The following STIMATE variants were observed in gnomAD, a reference collection of about 807,000 sequenced individuals.
STIMATE encodes the protein STIM activating enhancer.
In STIMATE, 15 loss-of-function variants were observed where a neutral mutation model predicts 36.7. The ratio of observed to expected loss-of-function variants is 0.41; its 90% CI spans 0.27 to 0.63. The LOEUF is 0.63. Ranked by LOEUF, STIMATE falls within the 20% of genes least tolerant of loss-of-function variation. The probability of loss-of-function intolerance (pLI) is 0.32; values close to 1 mark genes in which losing one functional copy is unlikely to be tolerated. For missense variants in STIMATE, 305 were observed against 397.3 expected, an observed-to-expected ratio of 0.77 and a Z score of 1.98; for synonymous variants, 163 against 162.3, an observed-to-expected ratio of 1.00 and a Z score of -0.03.
chr3:52,849,789 T>C lies in STIMATE; in HGVS notation c.427+3A>G. 6.2e-7 allele frequency: 1 copy of C among 1,612,186 alleles called. No individual in the cohort carries two copies. Among genetic ancestry groups the C allele is most frequent in the East Asian group, 2.2e-5 (1 of 44,856 alleles). On this transcript the variant is annotated splice_donor_region_variant and intron_variant, in intron 4 of 7. Transcript: ENST00000355083. The stretch of plus-strand genomic sequence containing the variant: ...GCCCTGTCCGGCATCCACAGCATAT[T>C]ACCATATTCGCCGAAGCGCAGGGAC...
intron 1 of STIMATE, among the ~76,000 whole-genome samples, chr3:52,874,535 C>T (rs889047948): frequency 6.6e-6 from 1 of 152,168 alleles, no homozygotes; most frequent in Non-Finnish European, 1.5e-5. Flanking sequence ...GTTTTAGTTG[C>T]TTACAGTGAG....
chr3:52,840,639 T>C, intron 7 of STIMATE, 29 bp from the exon 8 acceptor site: 1 of 1,601,952 alleles, frequency 6.2e-7, no homozygotes, highest in Non-Finnish European at 8.5e-7. Flanking sequence ...AGGGCCTGAG[T>C]CACCCCCAGC....
intron 1 of STIMATE, among the ~76,000 whole-genome samples, chr3:52,891,908 ATTCT>A (rs1372185954): frequency 6.6e-6 from 1 of 152,176 alleles, no homozygotes; most frequent in East Asian, 1.9e-4. Flanking sequence ...CCTCAAACAC[ATTCT>A]TTCTCATCTC....
At chr3:52,843,690 A>G (rs759930022) in intron 6 of STIMATE, 31 bp downstream of exon 6, 5 of 1,614,072 alleles carry the variant, frequency 3.1e-6, no homozygotes, top group African/African-American at 1.3e-5. Flanking sequence ...ACAGGGAGCA[A>G]ATCGGGATAA....
At chr3:52,847,467 C>G (rs950758509) in intron 4 of STIMATE, 9 of 1,289,278 alleles carry the variant, frequency 7.0e-6, no homozygotes, top group Non-Finnish European at 9.1e-6. Flanking sequence ...CCATGCGTCA[C>G]CTGGATCTGG....
intron 4 of STIMATE, among the ~76,000 whole-genome samples, chr3:52,846,773 T>C (rs189445452): frequency 5.9e-4 from 90 of 152,354 alleles, no homozygotes; most frequent in Admixed American, 1.5e-3. Context: ...GCAGCCACCG[T>C]TGGGAGAAGC....
intron 1 of STIMATE, among the ~76,000 whole-genome samples, chr3:52,894,720 C>T (rs2106740807): frequency 6.6e-6 from 1 of 152,282 alleles, no homozygotes; most frequent in South Asian, 2.1e-4. Context: ...TGGGTTCATT[C>T]TACAGTCAGA....
chr3:52,866,314 G>A (rs568664623), intron 1 of STIMATE, among the ~76,000 whole-genome samples: 8 of 152,376 alleles, frequency 5.3e-5, no homozygotes, highest in South Asian at 2.1e-4. Flanking sequence ...CGGCTGCGGC[G>A]TGCACCCATC....
chr3:52,869,096 T>C (rs1434521342), intron 1 of STIMATE, among the ~76,000 whole-genome samples: 1 of 152,040 alleles, frequency 6.6e-6, no homozygotes, highest in African/African-American at 2.4e-5. Flanking sequence ...TTGAGGGGAA[T>C]ACAAAACTGA....
rs1024097957 is a variant in STIMATE, at chr3:52,886,816, A to G, written c.160+10475T>C. Among the ~76,000 whole-genome samples the G allele has an allele frequency of 2.6e-5, 4 of 152,378 alleles. No homozygotes were observed. The East Asian group carries it at 7.7e-4, about 29-fold the overall frequency. Reference sequence around the variant, plus strand: ...TTCACCAACACTAGAATCAACTGACACCAGGCACCTCAGGTTATGATGCAC... The same window carrying G: ...TTCACCAACACTAGAATCAACTGACGCCAGGCACCTCAGGTTATGATGCAC... On this transcript the variant is annotated intron_variant, in intron 1 of 7. Transcript: ENST00000355083.
intron 1 of STIMATE, among the ~76,000 whole-genome samples, chr3:52,879,337 T>C (rs1297538170): frequency 6.6e-6 from 1 of 152,110 alleles, no homozygotes; most frequent in East Asian, 1.9e-4. Flanking sequence ...CTTGGGACCT[T>C]AACAAATCAT....
chr3:52,859,531 ATTTTT>A (rs563622429), intron 1 of STIMATE, among the ~76,000 whole-genome samples: 58 of 18,824 alleles, frequency 3.1e-3, no homozygotes, highest in African/African-American at 6.5e-3. Flanking sequence ...AAAAAAAAAA[ATTTTT>A]TTTTTTTTTT....
chr3:52,870,846 G>A (rs539827649), intron 1 of STIMATE, among the ~76,000 whole-genome samples: 1 of 152,114 alleles, frequency 6.6e-6, no homozygotes, highest in South Asian at 2.1e-4. Context: ...AGAGTGCTGA[G>A]GTCAGGGGTC....
At position 52,840,528 on chromosome 3, in the gene STIMATE, T is replaced by C. The variant is rs759601914; in HGVS notation, c.851A>G (p.Lys284Arg). 14 of 1,613,896 alleles carry C rather than the reference T, an allele frequency of 8.7e-6. No individual in the cohort carries two copies. The highest frequency in any genetic ancestry group is 1.1e-5 in the Non-Finnish European group (13 of 1,179,968). ...TAGCCCAAAGCGGTGCTTCTTTTTC[T>C]TCACAGGCTTGAGGGGGGTCAGTCT... Reference protein sequence around the residue: ...LRRLTPLKPVKKKKHRFGLPV With the variant: ...LRRLTPLKPVRKKKHRFGLPV The change falls in exon 8 of 8, where the codon AAG becomes AGG. Residue 284 changes from lysine to arginine, a missense_variant. This residue lies in a region of STIMATE where 84 missense variants were observed against 82.4 expected (regional missense o/e 1.02). Coordinates refer to ENST00000355083, the MANE Select transcript of STIMATE (RefSeq NM_198563.5).
At chr3:52,885,032 C>T (rs1460378631) in intron 1 of STIMATE, among the ~76,000 whole-genome samples, 1 of 152,180 alleles carries the variant, frequency 6.6e-6, no homozygotes, top group Non-Finnish European at 1.5e-5. Flanking sequence ...TTTTTACCAG[C>T]AATGCATAGG....
chr3:52,880,454 A>G (rs992231449), intron 1 of STIMATE, among the ~76,000 whole-genome samples: 2 of 152,262 alleles, frequency 1.3e-5, no homozygotes, highest in Admixed American at 6.5e-5. Flanking sequence ...ATCATCTGCT[A>G]TAAGAACCAG....
intron 1 of STIMATE, among the ~76,000 whole-genome samples, chr3:52,861,546 A>G (rs1701215185): frequency 2.0e-5 from 3 of 152,200 alleles, no homozygotes; most frequent in East Asian, 3.9e-4. Context: ...ATCACAAAAA[A>G]GAGGAAGGTG....
chr3:52,858,559 A>T (rs1315292901), intron 1 of STIMATE, among the ~76,000 whole-genome samples: 1 of 152,216 alleles, frequency 6.6e-6, no homozygotes, highest in East Asian at 1.9e-4. Context: ...CAGGAGGTTG[A>T]GGCTGCAGTG....
At position 52,849,855 on chromosome 3, in the gene STIMATE, C is replaced by A; in HGVS notation, c.364G>T (p.Val122Leu). ...TVGMLLIYVGVRAVSVLVEWQ... is the reference protein window; with the variant it reads ...TVGMLLIYVGLRAVSVLVEWQ... The stretch of plus-strand genomic sequence containing the variant: ...TCTACCAGGACGCTGACGGCGCGCA[C>A]CCCCACGTAGATGAGCAGCATGCCC... Residue 122 changes from valine to leucine, a missense_variant, in exon 4 of 8, where the codon GTG becomes TTG. Transcript: ENST00000355083. The A allele has an allele frequency of 6.2e-7, 1 of 1,613,836 alleles. No individual in the cohort carries two copies. The highest frequency in any genetic ancestry group is 1.1e-5 in the South Asian group (1 of 91,082).
Sources: gnomAD v4.1 joint callset for allele counts (sites outside exome capture counted in the v4.1 genomes callset) on GRCh38, gnomAD v4.1.1 for gene constraint, gnomAD v4.1.1 regional missense constraint, MANE v1.5 for transcripts, NCBI Gene and HGNC (gene_info 2026-07-23, HGNC 2026-07-21) for gene names.